MARF1: variants seen among roughly 807,000 people sequenced by gnomAD.
MARF1 encodes the protein limkain-b1.
A neutral mutation model predicts 168.2 loss-of-function variants in MARF1; 24 were observed. The observed-to-expected ratio is 0.14, with a 90% CI of 0.10 to 0.20. The LOEUF (loss-of-function observed/expected upper bound fraction) is 0.20, where lower values mean the gene tolerates loss of function less well. Among genes scored for constraint, MARF1 ranks in the 10% least tolerant of loss-of-function variants. MARF1 has a pLI of 1.00. For missense variants in MARF1, 1,744 were observed against 2,143.6 expected (o/e 0.81, Z 3.68); for synonymous variants, 868 against 822.4 (o/e 1.06, Z -0.95).
chr16:15,596,965 C>A, intron 26 of MARF1, 28 bp from the exon 27 acceptor site: 1 of 1,578,512 alleles, frequency 6.3e-7, no homozygotes, highest in South Asian at 1.1e-5. Context: ...CAAACAGATT[C>A]AGATCCAGGA....
At chr16:15,639,689 C>A (rs1472872920) in intron 1 of MARF1, among the ~76,000 whole-genome samples, 1 of 152,214 alleles carries the variant, frequency 6.6e-6, no homozygotes, top group Non-Finnish European at 1.5e-5. Context: ...GCATTAGCCA[C>A]TGCGCCCGGC....
In MARF1 at chr16:15,595,858, T is replaced by C. The variant is rs1004603217; in HGVS notation, c.*835A>G. On this transcript the variant is annotated 3_prime_UTR_variant, in exon 27 of 27. Coordinates refer to ENST00000396368, the MANE Select transcript of MARF1 (RefSeq NM_014647.4). Reference sequence around the variant, plus strand: ...ATGCATATTTTAGAAAATCAGGCTCTTTCCAATGCTGCCTCTCGACACACA... The same window carrying C: ...ATGCATATTTTAGAAAATCAGGCTCCTTCCAATGCTGCCTCTCGACACACA... The C allele has an allele frequency of 6.6e-6, 1 of 152,222 alleles. No individual in the cohort carries two copies. The highest frequency in any genetic ancestry group is 2.4e-5 in the African/African-American group (1 of 41,452). The allele number at this position is 152,222 out of a possible 1,614,324, so 9.4% of individuals were successfully genotyped here.
chr16:15,627,829 A>G (rs2034978037), intron 7 of MARF1, among the ~76,000 whole-genome samples: 2 of 152,228 alleles, frequency 1.3e-5, no homozygotes, highest in Admixed American at 1.3e-4. Flanking sequence ...AAAGTCAATT[A>G]TAAGATGATG....
intron 21 of MARF1, among the ~76,000 whole-genome samples, chr16:15,605,058 A>G (rs1235549654): frequency 6.6e-6 from 1 of 152,204 alleles, no homozygotes; most frequent in Admixed American, 6.5e-5. Context: ...AAAGACAGAG[A>G]TTGTCACTTG....
intron 7 of MARF1, among the ~76,000 whole-genome samples, chr16:15,629,739 C>T (rs2035123481): frequency 6.6e-6 from 1 of 152,188 alleles, no homozygotes; most frequent in South Asian, 2.1e-4. Context: ...TCAAGTCTAT[C>T]AGAAATGCTA....
At chr16:15,618,677 A>G (rs1184946092) in intron 13 of MARF1, among the ~76,000 whole-genome samples, 1 of 151,478 alleles carries the variant, frequency 6.6e-6, no homozygotes, top group East Asian at 1.9e-4. Context: ...CCCCCTCCCA[A>G]CCTTATCTGC....
At chr16:15,621,549 T>C (rs932981765) in intron 12 of MARF1, 184 bp downstream of exon 12, 32 of 618,408 alleles carry the variant, frequency 5.2e-5, no homozygotes, top group Non-Finnish European at 7.9e-5. Context: ...ATTCCAGCTT[T>C]GATTAATGAC....
Position 15,596,154 on chromosome 16 carries a change from C to T in MARF1, c.*539G>A, listed in dbSNP as rs1227649836. On this transcript the variant is annotated 3_prime_UTR_variant, in exon 27 of 27. Transcript: ENST00000396368. Reference sequence around the variant, plus strand: ...AAGCCAGGAACCTTCACATTCCAACCTGAAAATACACTCCGAACCCCTCGC... The same window carrying T: ...AAGCCAGGAACCTTCACATTCCAACTTGAAAATACACTCCGAACCCCTCGC... 2.0e-5 allele frequency: 3 copies of T among 152,672 alleles called. No homozygotes were observed. The highest frequency in any genetic ancestry group is 4.4e-5 in the Non-Finnish European group (3 of 68,074). The allele number at this position is 152,672 out of a possible 1,614,324, so 9.5% of individuals were successfully genotyped here.
intron 16 of MARF1, among the ~76,000 whole-genome samples, chr16:15,614,768 G>C (rs1404071144): frequency 2.0e-5 from 3 of 151,978 alleles, no homozygotes; most frequent in Non-Finnish European, 4.4e-5. Context: ...ACTCCAGCCT[G>C]GGCAACAGAG....
chr16:15,599,077 G>A, intron 25 of MARF1, 53 bp from the exon 26 acceptor site: 1 of 1,530,954 alleles, frequency 6.5e-7, no homozygotes, highest in South Asian at 1.1e-5. Context: ...CCCACCCCCA[G>A]CACACACCCT....
chr16:15,631,308 CAT>C, intron 6 of MARF1, 71 bp downstream of exon 6: 1 of 1,016,616 alleles, frequency 9.8e-7, no homozygotes, highest in South Asian at 1.3e-5. Context: ...TTTACTTTCA[CAT>C]GTTGCTGGCT....
In MARF1 at chr16:15,623,316, G is replaced by A. The variant is rs1596479747; in HGVS notation, c.2271-193C>T. Reference sequence around the variant, plus strand: ...TTTTTTTGAGACAGAGTCTCGCTCTGTCACCCAGGCTGGAGTGCAATGGCA... The same window carrying A: ...TTTTTTTGAGACAGAGTCTCGCTCTATCACCCAGGCTGGAGTGCAATGGCA... On this transcript the variant is annotated intron_variant, in intron 10 of 26. Transcript: ENST00000396368. Among the ~76,000 whole-genome samples the A allele has an allele frequency of 3.6e-5, 4 of 112,080 alleles. No individual in the cohort carries two copies. The South Asian group carries it at 1.2e-3, about 32-fold the overall frequency. The allele number at this position is 112,080 out of a possible 152,430, so 73.5% of individuals were successfully genotyped here. A position where few individuals can be genotyped will look rare whatever the true frequency, so the allele number is the denominator to read the frequency against.
rs1000695585 is a variant in MARF1, at chr16:15,595,960, A to C, written c.*733T>G. The C allele has an allele frequency of 6.6e-6, 1 of 152,514 alleles. No individual in the cohort carries two copies. Among genetic ancestry groups the C allele is most frequent in the African/African-American group, 2.4e-5 (1 of 41,432 alleles). The allele number at this position is 152,514 out of a possible 1,614,324, so 9.4% of individuals were successfully genotyped here. A position where few individuals can be genotyped will look rare whatever the true frequency, so the allele number is the denominator to read the frequency against. ...CATCTCCTTTTCCTTAACCTAACCC[A>C]TATCAAACTGGAACACAGAAGGGAA... On this transcript the variant is annotated 3_prime_UTR_variant, in exon 27 of 27. Coordinates refer to ENST00000396368, the MANE Select transcript of MARF1 (RefSeq NM_014647.4).
intron 12 of MARF1, 40 bp downstream of exon 12, chr16:15,621,693 A>G (rs1368784156): frequency 1.3e-6 from 2 of 1,578,852 alleles, no homozygotes; most frequent in Non-Finnish European, 1.7e-6. Context: ...TTCTGGGTCA[A>G]ATGTTATTTC....
chr16:15,611,503 T>A lies in MARF1; in HGVS notation c.3617+89A>T, dbSNP rs1223240090. The A allele has an allele frequency of 9.0e-5, 100 of 1,106,842 alleles. No homozygotes were observed. The Admixed American group carries it at 1.9e-3, about 21-fold the overall frequency. The allele number at this position is 1,106,842 out of a possible 1,614,324, so 68.6% of individuals were successfully genotyped here. ...ACAAGTTTTCCAAAAGAATGCTTAA[T>A]AGAAATACTAGATAACTATTTAGAG... On this transcript the variant is annotated intron_variant, in intron 18 of 26. Transcript: ENST00000396368.
rs1439575697 is a variant in MARF1, at chr16:15,609,611, T to C, written c.3866A>G (p.His1289Arg). The C allele has an allele frequency of 6.2e-7, 1 of 1,614,134 alleles. No homozygotes were observed. The highest frequency in any genetic ancestry group is 2.2e-5 in the East Asian group (1 of 44,874). ...MPFNKFIPSYHHHFGRQCKLA... is the reference protein window; with the variant it reads ...MPFNKFIPSYRHHFGRQCKLA... ...TTTGCACTGCCGGCCAAAGTGGTGA[T>C]GGTAAGAAGGGATAAATTTATTAAA... Residue 1289 changes from histidine to arginine, a missense_variant, in exon 20 of 27, where the codon CAT becomes CGT. By Grantham distance (29) the His-to-Arg change is conservative. Transcript: ENST00000396368.
chr16:15,599,735 T>A (rs1007065278), intron 25 of MARF1, among the ~76,000 whole-genome samples: 1 of 152,232 alleles, frequency 6.6e-6, no homozygotes, highest in African/African-American at 2.4e-5. Context: ...CTGAAATCTA[T>A]GTGACTCAGT....
At position 15,611,763 on chromosome 16, in the gene MARF1, A is replaced by G. The variant is rs774865133; in HGVS notation, c.3475-29T>C. 37 of 1,603,792 alleles carry G rather than the reference A, an allele frequency of 2.3e-5. No homozygotes were observed. The East Asian group carries it at 4.5e-4, about 19-fold the overall frequency. ...CAAAGCAAATAGTTTATTTATACACATAAGACCTCAGCAGACAGCGACTTC... is the reference window on the plus strand; with the variant it reads ...CAAAGCAAATAGTTTATTTATACACGTAAGACCTCAGCAGACAGCGACTTC... On this transcript the variant is annotated intron_variant, in intron 17 of 26. Coordinates refer to ENST00000396368, the MANE Select transcript of MARF1 (RefSeq NM_014647.4).
chr16:15,627,274 G>C (rs1299389119), intron 7 of MARF1, among the ~76,000 whole-genome samples: 1 of 151,930 alleles, frequency 6.6e-6, no homozygotes, highest in Non-Finnish European at 1.5e-5. Context: ...GATCACTTGA[G>C]GTCAGGAGTT....
Sources: allele counts gnomAD v4.1 joint callset (sites outside exome capture counted in the v4.1 genomes callset), GRCh38; gene constraint gnomAD v4.1.1; transcripts MANE v1.5; gene names NCBI Gene and HGNC (gene_info 2026-07-23, HGNC 2026-07-21).